The following EPS8 variants were observed in gnomAD, a reference collection of about 807,000 sequenced individuals.
The protein encoded by EPS8 is EGFR pathway substrate 8, signaling adaptor, also known as epidermal growth factor receptor kinase substrate 8.
Under a neutral mutation model 103.8 loss-of-function variants are expected in EPS8, and 42 were observed. The ratio of observed to expected loss-of-function variants is 0.40; its 90% CI spans 0.32 to 0.52. The LOEUF (loss-of-function observed/expected upper bound fraction) is 0.52. Ranked by LOEUF, EPS8 falls within the 20% of genes least tolerant of loss-of-function variation. The pLI is 0.40. For synonymous variants in EPS8, 344 were observed against 344.6 expected (o/e 1.00, Z 0.02); for missense variants, 969 against 1,005.1 (o/e 0.96, Z 0.49).
At chr12:15,730,965 G>A (rs946292045) in intron 1 of EPS8, among the ~76,000 whole-genome samples, 7 of 151,822 alleles carry the variant, frequency 4.6e-5, no homozygotes, top group Non-Finnish European at 2.9e-5. Flanking sequence ...AGGTCTATTA[G>A]ATGTTAAATA....
intron 18 of EPS8, 126 bp downstream of exon 18, chr12:15,631,316 G>T: frequency 9.7e-6 from 13 of 1,338,132 alleles, no homozygotes; most frequent in Non-Finnish European, 1.3e-5. Context: ...GAAAATCTTT[G>T]CAATCTATTA....
At chr12:15,621,507 T>TA (rs1219484135) in intron 20 of EPS8, 77 bp from the exon 21 acceptor site, 1 of 753,018 alleles carries the variant, frequency 1.3e-6, no homozygotes, top group Non-Finnish European at 2.1e-6. Flanking sequence ...TGGCTCAGGA[T>TA]AAAATTCTAC....
intron 17 of EPS8, among the ~76,000 whole-genome samples, chr12:15,633,504 T>C (rs1380449732): frequency 1.3e-5 from 2 of 152,200 alleles, no homozygotes; most frequent in Non-Finnish European, 2.9e-5. Flanking sequence ...ATTCATCAAA[T>C]ACTATTGTGA....
rs1401676078 is a variant in EPS8 at position 15,690,198 on chromosome 12, T to C, written c.-21-7226A>G. Among the ~76,000 whole-genome samples the C allele has an allele frequency of 6.6e-6, 1 of 152,182 alleles. No individual in the cohort carries two copies. The highest frequency in any genetic ancestry group is 1.9e-4 in the East Asian group (1 of 5,198). On this transcript the variant is annotated intron_variant, in intron 1 of 20. Transcript: ENST00000281172. This position sits in a 1 kb window ranked among gnomAD's most constrained non-coding sequence, Gnocchi z 4.7. ...GATCAATCTTTTCTAAAGTGTACAATATATCTTTATAAATGCTTACAACAT... is the reference window on the plus strand; with the variant it reads ...GATCAATCTTTTCTAAAGTGTACAACATATCTTTATAAATGCTTACAACAT...
chr12:15,712,451 T>C (rs1354107444), intron 1 of EPS8, among the ~76,000 whole-genome samples: 1 of 152,238 alleles, frequency 6.6e-6, no homozygotes, highest in African/African-American at 2.4e-5. Flanking sequence ...AATCAATGTT[T>C]TGCATATAAG....
intron 1 of EPS8, among the ~76,000 whole-genome samples, chr12:15,788,841 C>G (rs1323634311): frequency 6.6e-6 from 1 of 152,128 alleles, no homozygotes; most frequent in Non-Finnish European, 1.5e-5. Flanking sequence ...ACCAGATGAG[C>G]GCAGGTGTAT....
At chr12:15,663,942 A>T (rs1387423594) in intron 8 of EPS8, among the ~76,000 whole-genome samples, 3 of 37,826 alleles carry the variant, frequency 7.9e-5, no homozygotes, top group South Asian at 8.5e-4. Context: ...AAAAAAAAAA[A>T]AAAATAATAT....
At chr12:15,640,027 A>C (rs1232379816) in intron 17 of EPS8, among the ~76,000 whole-genome samples, 1 of 152,180 alleles carries the variant, frequency 6.6e-6, no homozygotes, top group Non-Finnish European at 1.5e-5. Flanking sequence ...GTTTAAGAGC[A>C]AGTTAATTCA....
chr12:15,773,824 T>C (rs1251753684), intron 1 of EPS8, among the ~76,000 whole-genome samples: 1 of 152,180 alleles, frequency 6.6e-6, no homozygotes, highest in Admixed American at 6.5e-5. Context: ...GGGAAGTCAA[T>C]GTCTGACCAA....
Position 15,627,932 on chromosome 12 carries a change from A to G in EPS8, c.2044+3510T>C, listed in dbSNP as rs548931222. Among the ~76,000 whole-genome samples, 12 of 152,330 alleles carry G rather than the reference A, an allele frequency of 7.9e-5. 1 individual carries two copies. The South Asian group carries it at 2.1e-3, about 26-fold the overall frequency. ...GGGAGCTTTTTGTGACCAATGTTCT[A>G]TGATTTTTCCCCCCTAGGGAAAGGG... On this transcript the variant is annotated intron_variant, in intron 18 of 20. Transcript: ENST00000281172.
rs544528560 is a variant in EPS8 at position 15,685,934 on chromosome 12, G to A, written c.-21-2962C>T. 6.6e-5 allele frequency among the ~76,000 whole-genome samples: 10 copies of A among 151,708 alleles called. 1 individual carries two copies. The highest frequency in any genetic ancestry group is 5.3e-4 in the Admixed American group (8 of 15,232). ...TAAAGAGACAAAGGTTTTTTTAATC[G>A]CTTTTAAGTTTAATGACTCACAAAT... On this transcript the variant is annotated intron_variant, in intron 1 of 20. Transcript: ENST00000281172.
rs1317646080 is a variant in EPS8 at position 15,698,035 on chromosome 12, T to C, written c.-21-15063A>G. On this transcript the variant is annotated intron_variant, in intron 1 of 20. Transcript: ENST00000281172. This position sits in a 1 kb window ranked among gnomAD's most constrained non-coding sequence, Gnocchi z 4.9. ...ATAAAAGCTATCAATAAAACTAGAA[T>C]TGACACTCTTATATCCAACTTTGAG... 6.6e-6 allele frequency among the ~76,000 whole-genome samples: 1 copy of C among 152,168 alleles called. No individual in the cohort carries two copies. Among genetic ancestry groups the C allele is most frequent in the Admixed American group, 6.5e-5 (1 of 15,284 alleles).
At chr12:15,670,953 T>TGTCC in intron 3 of EPS8, 30 bp from the exon 4 acceptor site, 1 of 1,548,014 alleles carries the variant, frequency 6.5e-7, no homozygotes, top group Non-Finnish European at 8.9e-7. Context: ...AGCCATGATT[T>TGTCC]GTCCCCTAAT....
At chr12:15,633,741 C>T (rs1301361293) in intron 17 of EPS8, among the ~76,000 whole-genome samples, 1 of 152,192 alleles carries the variant, frequency 6.6e-6, no homozygotes, top group Non-Finnish European at 1.5e-5. Context: ...GTCCTCTCCT[C>T]CTGCCCCATG....
At chr12:15,758,156 T>C (rs1340984907) in intron 1 of EPS8, among the ~76,000 whole-genome samples, 1 of 152,298 alleles carries the variant, frequency 6.6e-6, no homozygotes, top group East Asian at 1.9e-4. Flanking sequence ...TGGTCACCTG[T>C]CAGTCACATG....
chr12:15,649,244 C>T (rs1341678433), intron 14 of EPS8, among the ~76,000 whole-genome samples: 1 of 152,128 alleles, frequency 6.6e-6, no homozygotes, highest in African/African-American at 2.4e-5. Flanking sequence ...GAGCCCAGAA[C>T]ACATTACTCT....
In EPS8 at chr12:15,779,851, A is replaced by G. The variant is rs1295427359; in HGVS notation, c.-22+9310T>C. Reference sequence around the variant, plus strand: ...GTTATTTTTTAGTACATTCCTAAATAGTATGTTTCAGGTTCTGTTCAGAAA... The same window carrying G: ...GTTATTTTTTAGTACATTCCTAAATGGTATGTTTCAGGTTCTGTTCAGAAA... On this transcript the variant is annotated intron_variant, in intron 1 of 20. Coordinates refer to ENST00000281172, the MANE Select transcript of EPS8 (RefSeq NM_004447.6). This position sits in a 1 kb window ranked among gnomAD's most constrained non-coding sequence, Gnocchi z 4.3. 2.0e-5 allele frequency among the ~76,000 whole-genome samples: 3 copies of G among 152,196 alleles called. No individual in the cohort carries two copies. In the East Asian group the frequency reaches 5.8e-4, roughly 29 times the overall value.
intron 1 of EPS8, among the ~76,000 whole-genome samples, chr12:15,755,213 T>C (rs1946974063): frequency 6.6e-6 from 1 of 152,208 alleles, no homozygotes; most frequent in Non-Finnish European, 1.5e-5. Context: ...GAAAATCAAG[T>C]TCTCCTTGAC....
In EPS8 at chr12:15,759,685, C is replaced by T. The variant is rs1390409446; in HGVS notation, c.-22+29476G>A. Among the ~76,000 whole-genome samples the T allele has an allele frequency of 1.3e-5, 2 of 151,770 alleles. No individual in the cohort carries two copies. Among genetic ancestry groups the T allele is most frequent in the African/African-American group, 4.8e-5 (2 of 41,314 alleles). ...AGAAATTTTGGAAAATATACTAGTA[C>T]AAGGAAATTAAACAATATGCTCACG... is the stretch of plus-strand genomic sequence containing the variant. On this transcript the variant is annotated intron_variant, in intron 1 of 20. Transcript: ENST00000281172. This position sits in a 1 kb window ranked among gnomAD's most constrained non-coding sequence, Gnocchi z 4.9.
Sources: allele counts gnomAD v4.1 joint callset (sites outside exome capture counted in the v4.1 genomes callset), GRCh38; gene constraint gnomAD v4.1.1; non-coding constraint Gnocchi (gnomAD v3.1); transcripts MANE v1.5; gene names NCBI Gene and HGNC (gene_info 2026-07-23, HGNC 2026-07-21).